EFCAB6: variants seen among roughly 807,000 people sequenced by gnomAD.
The protein encoded by EFCAB6 is EF-hand calcium binding domain 6, also known as EF-hand calcium-binding domain-containing protein 6.
EFCAB6 carries 156 observed loss-of-function variants against 169.8 expected under a neutral mutation model. That is an observed-to-expected ratio of 0.92 (90% CI 0.81 to 1.05). The LOEUF (loss-of-function observed/expected upper bound fraction) is 1.05. Ranked by LOEUF, EFCAB6 falls within the 50% of genes least tolerant of loss-of-function variation. The pLI is 0.00. For synonymous variants in EFCAB6, 698 were observed against 676.4 expected (o/e 1.03, Z -0.50); for missense variants, 1,800 against 1,829.1 (o/e 0.98, Z 0.29).
Position 43,572,370 on chromosome 22 carries a change from G to A in EFCAB6, c.3420+3927C>T, listed in dbSNP as rs974704664. ...TCGTGCATGAGGACACTCAGGCCTCGCTGAGGGGGGACAGCAGACATGGAG... is the reference window on the plus strand; with the variant it reads ...TCGTGCATGAGGACACTCAGGCCTCACTGAGGGGGGACAGCAGACATGGAG... On this transcript the variant is annotated intron_variant, in intron 26 of 31. Coordinates refer to ENST00000262726, the MANE Select transcript of EFCAB6 (RefSeq NM_022785.4). This position sits in a 1 kb window ranked among gnomAD's most constrained non-coding sequence, Gnocchi z 4.0. 2.0e-5 allele frequency among the ~76,000 whole-genome samples: 3 copies of A among 152,168 alleles called. No individual in the cohort carries two copies. Among genetic ancestry groups the A allele is most frequent in the Non-Finnish European group, 4.4e-5 (3 of 68,028 alleles).
intron 6 of EFCAB6, among the ~76,000 whole-genome samples, chr22:43,738,955 A>G (rs2060267939): frequency 6.6e-6 from 1 of 151,950 alleles, no homozygotes; most frequent in African/African-American, 2.4e-5. Context: ...GATGCACATG[A>G]CCCTGACCCT....
chr22:43,689,223 C>T (rs1395542855), intron 10 of EFCAB6, among the ~76,000 whole-genome samples: 1 of 151,308 alleles, frequency 6.6e-6, no homozygotes, highest in African/African-American at 2.4e-5. Context: ...GGCGCAGGGC[C>T]GGAGGCAGGG....
At chr22:43,632,294 CTTTTT>C (rs200314912) in intron 18 of EFCAB6, 56 bp from the exon 19 acceptor site, 735 of 1,128,778 alleles carry the variant, frequency 6.5e-4, no homozygotes, top group East Asian at 1.2e-3. Context: ...TTCATTCCTT[CTTTTT>C]TTTTTTTTTT....
intron 27 of EFCAB6, among the ~76,000 whole-genome samples, chr22:43,542,763 A>C (rs2047814189): frequency 6.6e-6 from 1 of 152,056 alleles, no homozygotes; most frequent in African/African-American, 2.4e-5. Flanking sequence ...AATGGGCCTA[A>C]CGGCACCAGG....
chr22:43,804,125 T>G (rs1156358888), intron 2 of EFCAB6, among the ~76,000 whole-genome samples: 1 of 152,204 alleles, frequency 6.6e-6, no homozygotes, highest in Non-Finnish European at 1.5e-5. Flanking sequence ...ATCAAGTATC[T>G]TTTATGATCA....
At chr22:43,551,086 T>C (rs149307929) in intron 27 of EFCAB6, among the ~76,000 whole-genome samples, 4 of 152,196 alleles carry the variant, frequency 2.6e-5, no homozygotes, top group Admixed American at 1.3e-4. Flanking sequence ...TCATGAAATA[T>C]GGAGTTAAGT....
rs1569207678 is a variant in EFCAB6, at chr22:43,589,320, A to AAAAAAAAAAAAAAG, written c.3032+753_3032+754insCTTTTTTTTTTTTT. On this transcript the variant is annotated intron_variant, in intron 24 of 31. Transcript: ENST00000262726. ...AAAAAAAAAAAAAAAAAAAAAAAAA[A>AAAAAAAAAAAAAAG]AGAAGTACAGGTACATTCACTATCA... is the stretch of plus-strand genomic sequence containing the variant. Among the ~76,000 whole-genome samples, 37 of 59,768 alleles carry AAAAAAAAAAAAAAG rather than the reference A, an allele frequency of 6.2e-4. 7 individuals carry two copies. The highest frequency in any genetic ancestry group is 1.1e-3 in the Non-Finnish European group (30 of 27,632). The allele number at this position is 59,768 out of a possible 152,430, so 39.2% of individuals were successfully genotyped here.
intron 8 of EFCAB6, among the ~76,000 whole-genome samples, chr22:43,722,822 G>T (rs2059587220): frequency 1.3e-5 from 2 of 152,168 alleles, no homozygotes; most frequent in African/African-American, 2.4e-5. Context: ...ATCAGTGGTG[G>T]ACTGGATAAA....
intron 17 of EFCAB6, among the ~76,000 whole-genome samples, chr22:43,644,382 C>T (rs911505752): frequency 6.6e-6 from 1 of 152,146 alleles, no homozygotes. Context: ...GCAGCCCTTT[C>T]GAGCTCTGAA....
In EFCAB6 at chr22:43,752,827, T is replaced by G. The variant is rs558198248; in HGVS notation, c.507+2939A>C. Among the ~76,000 whole-genome samples the G allele has an allele frequency of 5.3e-5, 8 of 152,244 alleles. No homozygotes were observed. The East Asian group carries it at 1.5e-3, about 29-fold the overall frequency. On this transcript the variant is annotated intron_variant, in intron 6 of 31. Coordinates refer to ENST00000262726, the MANE Select transcript of EFCAB6 (RefSeq NM_022785.4). ...TCCTTATTTTCTAAGATAGTTAACT[T>G]GGAGTCTTCGGTTTCTCATAAGGGA...
chr22:43,579,885 T>G (rs1235259892), intron 25 of EFCAB6, among the ~76,000 whole-genome samples: 1 of 139,610 alleles, frequency 7.2e-6, no homozygotes, highest in Non-Finnish European at 1.6e-5. Flanking sequence ...ATTCCCTACA[T>G]GCAGGCATCA....
Position 43,737,882 on chromosome 22 carries a change from C to T in EFCAB6, c.508-1889G>A, listed in dbSNP as rs1004206936. 5.3e-5 allele frequency among the ~76,000 whole-genome samples: 8 copies of T among 151,640 alleles called. 1 individual carries two copies. Among genetic ancestry groups the T allele is most frequent in the African/African-American group, 1.9e-4 (8 of 41,276 alleles). On this transcript the variant is annotated intron_variant, in intron 6 of 31. Transcript: ENST00000262726. ...ACATACATGCACATATACTCGCATA[C>T]ACTCACACCATCACTCACATATACA...
intron 20 of EFCAB6, among the ~76,000 whole-genome samples, chr22:43,624,559 C>A (rs192016952): frequency 2.2e-4 from 33 of 152,284 alleles, no homozygotes; most frequent in Admixed American, 1.4e-3. Context: ...TCTTCCCTGG[C>A]CTGGAATGAC....
chr22:43,588,951 G>A (rs112971907), intron 24 of EFCAB6, among the ~76,000 whole-genome samples: 3,119 of 152,168 alleles, frequency 0.02, 109 homozygotes, highest in African/African-American at 0.072. Context: ...TGTGGCATGC[G>A]GAGGTAAGTT....
At chr22:43,655,564 A>C (rs1440656007) in intron 17 of EFCAB6, among the ~76,000 whole-genome samples, 1 of 152,142 alleles carries the variant, frequency 6.6e-6, no homozygotes, top group Non-Finnish European at 1.5e-5. Flanking sequence ...GAAGGCAACA[A>C]AGGACAGAAG....
chr22:43,671,961 C>A lies in EFCAB6; in HGVS notation c.1640+12G>T. On this transcript the variant is annotated intron_variant, in intron 15 of 31. Coordinates refer to ENST00000262726, the MANE Select transcript of EFCAB6 (RefSeq NM_022785.4). Reference sequence around the variant, plus strand: ...AACACGACATGAATTAATTTTGTTACAAAAAACTTACTTTATGAAATGTGC... The same window carrying A: ...AACACGACATGAATTAATTTTGTTAAAAAAAACTTACTTTATGAAATGTGC... 2 of 1,610,112 alleles carry A rather than the reference C, an allele frequency of 1.2e-6. No individual in the cohort carries two copies. Among genetic ancestry groups the A allele is most frequent in the Non-Finnish European group, 1.7e-6 (2 of 1,178,732 alleles).
At chr22:43,773,394 G>C (rs2061541329) in intron 3 of EFCAB6, among the ~76,000 whole-genome samples, 1 of 152,168 alleles carries the variant, frequency 6.6e-6, no homozygotes, top group Non-Finnish European at 1.5e-5. Flanking sequence ...CATGGATATT[G>C]AAAGAAAATT....
chr22:43,598,539 T>A (rs779356263), intron 23 of EFCAB6, among the ~76,000 whole-genome samples: 2 of 152,138 alleles, frequency 1.3e-5, no homozygotes, highest in African/African-American at 4.8e-5. Context: ...TATTGTTACA[T>A]ACAATTTTAT....
In EFCAB6 at chr22:43,644,978, C is replaced by T. The variant is rs187406061; in HGVS notation, c.1984-9762G>A. On this transcript the variant is annotated intron_variant, in intron 17 of 31. Transcript: ENST00000262726. ...TCCCTCCCTTACTCTTCGGGGGTTT[C>T]CTTTCAATAAGCAACTTTTCCATGC... Among the ~76,000 whole-genome samples, 112 of 152,328 alleles carry T rather than the reference C, an allele frequency of 7.4e-4. 1 individual carries two copies. The Middle Eastern group carries it at 0.034, about 46-fold the overall frequency.
Sources: gnomAD v4.1 joint callset for allele counts (sites outside exome capture counted in the v4.1 genomes callset) on GRCh38, gnomAD v4.1.1 for gene constraint, Gnocchi (gnomAD v3.1) non-coding constraint, MANE v1.5 for transcripts, NCBI Gene and HGNC (gene_info 2026-07-23, HGNC 2026-07-21) for gene names.